The following CNTNAP2 variants were observed in gnomAD, a reference collection of about 807,000 sequenced individuals.
The protein encoded by CNTNAP2 is contactin associated protein 2.
In CNTNAP2, 98 loss-of-function variants were observed where a neutral mutation model predicts 155.2. The observed-to-expected ratio is 0.63, with a 90% CI of 0.54 to 0.75. CNTNAP2 has a LOEUF of 0.75. Ranked by LOEUF, CNTNAP2 falls within the 30% of genes least tolerant of loss-of-function variation. The probability of loss-of-function intolerance (pLI) is 0.00; values close to 1 mark genes in which losing one functional copy is unlikely to be tolerated. For synonymous variants in CNTNAP2, 651 were observed against 631.2 expected, an observed-to-expected ratio of 1.03 and a Z score of -0.47; for missense variants, 1,727 against 1,688.1, an observed-to-expected ratio of 1.02 and a Z score of -0.40.
intron 8 of CNTNAP2, among the ~76,000 whole-genome samples, chr7:147,276,390 A>AATATACAT (rs1454123191): frequency 6.6e-6 from 1 of 152,008 alleles, no homozygotes; most frequent in Non-Finnish European, 1.5e-5. Flanking sequence ...AGAATTGTAA[A>AATATACAT]ATATACATAT....
At chr7:146,830,882 AG>A (rs1803495996) in intron 2 of CNTNAP2, among the ~76,000 whole-genome samples, 1 of 152,220 alleles carries the variant, frequency 6.6e-6, no homozygotes, top group African/African-American at 2.4e-5. Context: ...ATCATTAGAG[AG>A]CGCTCTTCAA....
At chr7:146,609,823 A>G (rs1799105396) in intron 1 of CNTNAP2, among the ~76,000 whole-genome samples, 1 of 152,192 alleles carries the variant, frequency 6.6e-6, no homozygotes, top group Non-Finnish European at 1.5e-5. Flanking sequence ...ATAATTCTAG[A>G]TAGTATAGGA....
chr7:147,802,558 G>A lies in CNTNAP2; in HGVS notation c.2099-101007G>A, dbSNP rs549178725. 2.1e-3 allele frequency among the ~76,000 whole-genome samples: 326 copies of A among 152,306 alleles called. 3 individuals are homozygous for A. Among genetic ancestry groups the A allele is most frequent in the African/African-American group, 7.3e-3 (303 of 41,562 alleles). ...GGAGGCCGAGGCTGGCGGATCACTC[G>A]CGGTTACGAGCTGGAGACCAGCCCG... On this transcript the variant is annotated intron_variant, in intron 13 of 23. Transcript: ENST00000361727.
chr7:146,381,115 T>G (rs1381744686), intron 1 of CNTNAP2, among the ~76,000 whole-genome samples: 1 of 152,050 alleles, frequency 6.6e-6, no homozygotes, highest in African/African-American at 2.4e-5. Flanking sequence ...TCTTATATAC[T>G]CACCTCCCAC....
At chr7:147,001,836 T>A (rs553895937) in intron 3 of CNTNAP2, among the ~76,000 whole-genome samples, 1 of 152,022 alleles carries the variant, frequency 6.6e-6, no homozygotes, top group African/African-American at 2.4e-5. Context: ...TAACTTGGAA[T>A]AAATAGAAAT....
chr7:148,204,243 G>A lies in CNTNAP2; in HGVS notation c.3011-13045G>A, dbSNP rs988355663. Among the ~76,000 whole-genome samples the A allele has an allele frequency of 2.4e-4, 36 of 152,164 alleles. 1 individual carries two copies. Among genetic ancestry groups the A allele is most frequent in the Non-Finnish European group, 4.7e-4 (32 of 68,036 alleles). ...TAAAGAAGGCAGAAGGCTTGAGGAC[G>A]GTTTGTGTTGATTGAAGAACATTTC... On this transcript the variant is annotated intron_variant, in intron 18 of 23. Coordinates refer to ENST00000361727, the MANE Select transcript of CNTNAP2 (RefSeq NM_014141.6).
In CNTNAP2 at chr7:148,311,494, G is replaced by A. The variant is rs187550315; in HGVS notation, c.3475+44368G>A. ...GTATAAAAGTAAAGAATAGAACTTC[G>A]TCAGGGTGAAAGTACTGGAGGGTCC... On this transcript the variant is annotated intron_variant, in intron 21 of 23. Coordinates refer to ENST00000361727, the MANE Select transcript of CNTNAP2 (RefSeq NM_014141.6). Among the ~76,000 whole-genome samples the A allele has an allele frequency of 4.8e-4, 73 of 152,214 alleles. 1 individual carries two copies. Among genetic ancestry groups the A allele is most frequent in the Non-Finnish European group, 2.8e-4 (19 of 68,002 alleles).
intron 14 of CNTNAP2, among the ~76,000 whole-genome samples, chr7:147,925,331 C>T (rs1300437681): frequency 6.9e-6 from 1 of 143,886 alleles, no homozygotes; most frequent in Non-Finnish European, 1.5e-5. Flanking sequence ...CACACACACA[C>T]AGCTTTCCCC....
chr7:147,197,028 A>T (rs912301837), intron 8 of CNTNAP2, among the ~76,000 whole-genome samples: 2 of 152,174 alleles, frequency 1.3e-5, no homozygotes, highest in Non-Finnish European at 1.5e-5. Context: ...CACCTAAGTA[A>T]CAAAAGGACT....
At chr7:147,153,110 C>T (rs1452997907) in intron 8 of CNTNAP2, among the ~76,000 whole-genome samples, 1 of 151,864 alleles carries the variant, frequency 6.6e-6, no homozygotes, top group Non-Finnish European at 1.5e-5. Flanking sequence ...AAAATTAGGA[C>T]ATCATTTGAG....
intron 1 of CNTNAP2, among the ~76,000 whole-genome samples, chr7:146,227,346 A>G (rs1799310156): frequency 6.7e-6 from 1 of 149,336 alleles, no homozygotes; most frequent in African/African-American, 2.5e-5. Context: ...AATTGCTTGA[A>G]CCCAGGACGT....
intron 2 of CNTNAP2, among the ~76,000 whole-genome samples, chr7:146,778,157 G>A (rs1459848741): frequency 1.3e-5 from 2 of 152,248 alleles, no homozygotes; most frequent in African/African-American, 2.4e-5. Context: ...AACAAATTCA[G>A]TTGAGCATTA....
intron 20 of CNTNAP2, among the ~76,000 whole-genome samples, chr7:148,261,310 A>G (rs1293063773): frequency 6.6e-6 from 1 of 151,994 alleles, no homozygotes; most frequent in Admixed American, 6.6e-5. Context: ...ACAGGCGTGC[A>G]CCACCATGCC....
intron 1 of CNTNAP2, among the ~76,000 whole-genome samples, chr7:146,649,318 G>A (rs929985910): frequency 1.3e-5 from 2 of 152,058 alleles, no homozygotes; most frequent in African/African-American, 2.4e-5. Flanking sequence ...TATTAAAATG[G>A]TAATGAACAG....
intron 1 of CNTNAP2, among the ~76,000 whole-genome samples, chr7:146,406,277 T>G (rs1478969115): frequency 6.6e-6 from 1 of 152,220 alleles, no homozygotes; most frequent in Non-Finnish European, 1.5e-5. Flanking sequence ...TCTTTTAAAA[T>G]CAGAATCCAC....
intron 1 of CNTNAP2, among the ~76,000 whole-genome samples, chr7:146,707,749 A>G (rs886882261): frequency 6.6e-6 from 1 of 152,166 alleles, no homozygotes; most frequent in African/African-American, 2.4e-5. Flanking sequence ...AACTAATGGA[A>G]ACTCTAGAAA....
chr7:147,402,291 A>G lies in CNTNAP2; in HGVS notation c.1670+6511A>G, dbSNP rs1002272808. ...TCACCACAGGGGTGGGATCTGTCCC[A>G]CCTGCTCCACCAAGGTTCCCTCTGA... is the stretch of plus-strand genomic sequence containing the variant. On this transcript the variant is annotated intron_variant, in intron 10 of 23. Coordinates refer to ENST00000361727, the MANE Select transcript of CNTNAP2 (RefSeq NM_014141.6). 5.9e-5 allele frequency among the ~76,000 whole-genome samples: 9 copies of G among 152,108 alleles called. 1 individual carries two copies. Among genetic ancestry groups the G allele is most frequent in the African/African-American group, 1.9e-4 (8 of 41,438 alleles).
intron 1 of CNTNAP2, among the ~76,000 whole-genome samples, chr7:146,367,181 T>A (rs1463590538): frequency 2.0e-5 from 3 of 152,186 alleles, no homozygotes; most frequent in Non-Finnish European, 4.4e-5. Context: ...CTCACATTTA[T>A]GGAAAGTACT....
chr7:146,245,935 C>T (rs1212804867), intron 1 of CNTNAP2, among the ~76,000 whole-genome samples: 1 of 120,926 alleles, frequency 8.3e-6, no homozygotes, highest in Non-Finnish European at 1.5e-5. Flanking sequence ...TAGGGTTTGG[C>T]ACCATGAGGT....
Sources: gnomAD v4.1 joint callset for allele counts (sites outside exome capture counted in the v4.1 genomes callset) on GRCh38, gnomAD v4.1.1 for gene constraint, MANE v1.5 for transcripts, NCBI Gene and HGNC (gene_info 2026-07-23, HGNC 2026-07-21) for gene names.